Variants in TMEM184C observed in about 807,000 individuals in gnomAD.
TMEM184C encodes the protein transmembrane protein 34.
A neutral mutation model predicts 54.5 loss-of-function variants in TMEM184C; 25 were observed. That is an observed-to-expected ratio of 0.46 (90% confidence interval 0.33 to 0.64). The LOEUF is 0.64. Ranked by LOEUF, TMEM184C falls within the 30% of genes least tolerant of loss-of-function variation. TMEM184C has a pLI of 0.02. For missense variants in TMEM184C, 335 were observed against 520.3 expected (o/e 0.64, Z 3.46); for synonymous variants, 148 against 181.5 (o/e 0.82, Z 1.49).
intron 6 of TMEM184C, 143 bp downstream of exon 6, chr4:147,629,835 G>T: frequency 2.3e-6 from 1 of 438,780 alleles, no homozygotes; most frequent in Non-Finnish European, 3.8e-6. Context: ...TTTATAGAAA[G>T]ACTTGAAAAA....
At position 147,617,900 on chromosome 4, in the gene TMEM184C, A is replaced by G. The variant is rs907350586; in HGVS notation, c.-57A>G. 6.2e-7 allele frequency: 1 copy of G among 1,609,730 alleles called. No homozygotes were observed. The highest frequency in any genetic ancestry group is 1.7e-5 in the Admixed American group (1 of 59,974). The stretch of plus-strand genomic sequence containing the variant: ...AAACAGCCAGAGAACAGGGCTCCCC[A>G]TTACAATCTTTTCGAGATCTTTTCC... On this transcript the variant is annotated 5_prime_UTR_variant, in exon 1 of 10. Coordinates refer to ENST00000296582, the MANE Select transcript of TMEM184C (RefSeq NM_018241.3).
Position 147,618,165 on chromosome 4 carries a change from C to G in TMEM184C, c.123+86C>G, listed in dbSNP as rs576840953. On this transcript the variant is annotated intron_variant, in intron 1 of 9. Coordinates refer to ENST00000296582, the MANE Select transcript of TMEM184C (RefSeq NM_018241.3). Reference sequence around the variant, plus strand: ...GAGACACCCTTACCCCATTTCTGCCCTGACAGTCCTGAAAACCATCTAATG... The same window carrying G: ...GAGACACCCTTACCCCATTTCTGCCGTGACAGTCCTGAAAACCATCTAATG... 11 of 1,576,044 alleles carry G rather than the reference C, an allele frequency of 7.0e-6. No homozygotes were observed. The South Asian group carries it at 1.1e-4, about 16-fold the overall frequency.
chr4:147,620,063 G>T (rs943541314), intron 1 of TMEM184C, among the ~76,000 whole-genome samples: 3 of 152,080 alleles, frequency 2.0e-5, no homozygotes, highest in Non-Finnish European at 2.9e-5. Context: ...TTGAAACTTT[G>T]CACGATGTTT....
At chr4:147,627,442 G>A (rs182255889) in intron 4 of TMEM184C, among the ~76,000 whole-genome samples, 50 of 151,826 alleles carry the variant, frequency 3.3e-4, no homozygotes, top group Admixed American at 7.2e-4. Flanking sequence ...AGGCGTGCCC[G>A]GCTAAATTTT....
chr4:147,624,145 G>T, intron 3 of TMEM184C, 47 bp downstream of exon 3: 1 of 1,484,828 alleles, frequency 6.7e-7, no homozygotes, highest in South Asian at 1.2e-5. Flanking sequence ...CTTGTTTGAT[G>T]ATACTATAAT....
chr4:147,634,109 G>C, intron 9 of TMEM184C, 60 bp from the exon 10 acceptor site: 1 of 1,556,000 alleles, frequency 6.4e-7, no homozygotes, highest in Admixed American at 1.9e-5. Flanking sequence ...CTTATTTTTA[G>C]AATGGTAAGT....
chr4:147,627,813 C>A (rs897095837), intron 4 of TMEM184C, among the ~76,000 whole-genome samples: 2 of 151,126 alleles, frequency 1.3e-5, no homozygotes, highest in Admixed American at 6.6e-5. Context: ...GGGAGGATCA[C>A]TTGAGCCCAG....
chr4:147,623,486 T>C (rs1158409635), intron 1 of TMEM184C, among the ~76,000 whole-genome samples: 1 of 151,416 alleles, frequency 6.6e-6, no homozygotes, highest in African/African-American at 2.4e-5. Flanking sequence ...TTGTAGACCT[T>C]AGTTCTATTT....
rs761231470 is a variant in TMEM184C at position 147,618,121 on chromosome 4, C to T, written c.123+42C>T. On this transcript the variant is annotated intron_variant, in intron 1 of 9. Coordinates refer to ENST00000296582, the MANE Select transcript of TMEM184C (RefSeq NM_018241.3). ...CCATCAGCCTGTACACTTTCTTCTA[C>T]CCATCTATGGTTGGGAAAGAGACAC... 5.6e-6 allele frequency: 9 copies of T among 1,611,952 alleles called. No individual in the cohort carries two copies. The South Asian group carries it at 9.9e-5, about 18-fold the overall frequency.
intron 1 of TMEM184C, among the ~76,000 whole-genome samples, chr4:147,618,349 AAAGT>A (rs1732639109): frequency 6.6e-6 from 1 of 152,222 alleles, no homozygotes; most frequent in African/African-American, 2.4e-5. Flanking sequence ...CAGTTCCCTG[AAAGT>A]AAGGTAATTT....
chr4:147,626,151 G>A (rs1218942782), intron 4 of TMEM184C, among the ~76,000 whole-genome samples: 1 of 152,132 alleles, frequency 6.6e-6, no homozygotes, highest in Non-Finnish European at 1.5e-5. Flanking sequence ...GTTTAGGGAG[G>A]GCCAGAATCT....
rs748726787 is a variant in TMEM184C at position 147,635,904 on chromosome 4, ATACT to A, written c.*1477_*1480del. On this transcript the variant is annotated 3_prime_UTR_variant, in exon 10 of 10. Transcript: ENST00000296582. ...TGCCATTTATGATAGCATAAAAAAA[ATACT>A]TACTTAGGAATAAATTTAACACCAA... The A allele has an allele frequency of 1.6e-4, 25 of 152,338 alleles. No homozygotes were observed. Among genetic ancestry groups the A allele is most frequent in the South Asian group, 1.5e-3 (7 of 4,826 alleles). The allele number at this position is 152,338 out of a possible 1,614,324, so 9.4% of individuals were successfully genotyped here. A position where few individuals can be genotyped will look rare whatever the true frequency, so the allele number is the denominator to read the frequency against.
At position 147,635,444 on chromosome 4, in the gene TMEM184C, C is replaced by T. The variant is rs183181161; in HGVS notation, c.*1010C>T. ...GACATATAGGTGCTATTTGGGAAAA[C>T]TTTTTATTACCTAGGATGGGGTTTC... On this transcript the variant is annotated 3_prime_UTR_variant, in exon 10 of 10. Transcript: ENST00000296582. 4.6e-5 allele frequency: 7 copies of T among 152,236 alleles called. No homozygotes were observed. The East Asian group carries it at 9.6e-4, about 21-fold the overall frequency. The allele number at this position is 152,236 out of a possible 1,614,324, so 9.4% of individuals were successfully genotyped here. A position where few individuals can be genotyped will look rare whatever the true frequency, so the allele number is the denominator to read the frequency against.
At chr4:147,632,827 TAATGGCAC>T in intron 7 of TMEM184C, 68 bp from the exon 8 acceptor site, 1 of 1,375,660 alleles carries the variant, frequency 7.3e-7, no homozygotes, top group Admixed American at 1.9e-5. Flanking sequence ...GATTTTTTTT[TAATGGCAC>T]ATTTTTAAAA....
In TMEM184C at chr4:147,634,325, A is replaced by G; in HGVS notation, c.1208A>G (p.His403Arg). Residue 403 changes from histidine to arginine, a missense_variant, in exon 10 of 10, where the codon CAC (histidine) becomes CGC (arginine). Coordinates refer to ENST00000296582, the MANE Select transcript of TMEM184C (RefSeq NM_018241.3). The part of the protein sequence containing the change: ...SPMGHYQGFG[H>R]TVTPQTTPTT... ...ATGGGTCACTACCAAGGGTTTGGAC[A>G]CACTGTGACTCCCCAGACTACACCT... 6.2e-7 allele frequency: 1 copy of G among 1,614,034 alleles called. No homozygotes were observed. The highest frequency in any genetic ancestry group is 2.2e-5 in the East Asian group (1 of 44,860).
intron 7 of TMEM184C, chr4:147,632,658 A>T: frequency 2.5e-6 from 1 of 407,560 alleles, no homozygotes; most frequent in Non-Finnish European, 4.4e-6. Context: ...ACCTGGGGCC[A>T]TTATCTCTAG....
chr4:147,621,985 C>CTTT (rs199693141), intron 1 of TMEM184C, among the ~76,000 whole-genome samples: 3 of 53,268 alleles, frequency 5.6e-5, no homozygotes, highest in African/African-American at 8.9e-5. Flanking sequence ...TTCTTTTTTT[C>CTTT]TTTCTTTTTT....
intron 1 of TMEM184C, among the ~76,000 whole-genome samples, chr4:147,619,373 T>C (rs548597301): frequency 3.3e-5 from 5 of 151,950 alleles, no homozygotes; most frequent in Non-Finnish European, 7.4e-5. Context: ...AATTTTTGTA[T>C]TTTTAGTACA....
intron 7 of TMEM184C, among the ~76,000 whole-genome samples, chr4:147,632,092 G>C (rs1732927235): frequency 1.4e-5 from 2 of 146,520 alleles, no homozygotes; most frequent in African/African-American, 5.1e-5. Flanking sequence ...AGAATTACCT[G>C]AACCCAGAAG....
Sources: gnomAD v4.1 joint callset for allele counts (sites outside exome capture counted in the v4.1 genomes callset) on GRCh38, gnomAD v4.1.1 for gene constraint, MANE v1.5 for transcripts, NCBI Gene and HGNC (gene_info 2026-07-23, HGNC 2026-07-21) for gene names.